Variants in LRRTM4 observed in about 807,000 individuals in gnomAD.
LRRTM4 encodes leucine rich repeat transmembrane neuronal 4, also known as leucine-rich repeat transmembrane neuronal protein 4.
Under a neutral mutation model 47.6 loss-of-function variants are expected in LRRTM4, and 25 were observed. The observed-to-expected ratio is 0.53, with a 90% CI of 0.38 to 0.73. LRRTM4 has a LOEUF of 0.73. Ranked by LOEUF, LRRTM4 falls within the 30% of genes least tolerant of loss-of-function variation. LRRTM4 has a pLI of 0.00. For missense variants in LRRTM4, 638 were observed against 713.4 expected (o/e 0.89, Z 1.20); for synonymous variants, 311 against 269.5 (o/e 1.15, Z -1.51).
intron 3 of LRRTM4, among the ~76,000 whole-genome samples, chr2:76,873,657 T>C (rs1420839610): frequency 6.6e-6 from 1 of 151,382 alleles, no homozygotes; most frequent in Non-Finnish European, 1.5e-5. Context: ...AATTCTATGA[T>C]AGCTTTGTGA....
At chr2:77,127,706 C>T (rs193133486) in intron 3 of LRRTM4, among the ~76,000 whole-genome samples, 2 of 152,260 alleles carry the variant, frequency 1.3e-5, no homozygotes, top group Non-Finnish European at 2.9e-5. Context: ...GAACAAGTCT[C>T]CTGAAAAAAA....
chr2:77,045,915 A>G (rs1679219461), intron 3 of LRRTM4, among the ~76,000 whole-genome samples: 1 of 151,984 alleles, frequency 6.6e-6, no homozygotes, highest in African/African-American at 2.4e-5. Context: ...GTTTGAACAA[A>G]GATCCAATCC....
intron 3 of LRRTM4, among the ~76,000 whole-genome samples, chr2:76,811,190 T>A (rs1319660971): frequency 6.6e-6 from 1 of 152,170 alleles, no homozygotes; most frequent in African/African-American, 2.4e-5. Flanking sequence ...TGCAAAAGGT[T>A]ATTACTAACA....
chr2:76,807,143 T>A (rs2103798748), intron 3 of LRRTM4, among the ~76,000 whole-genome samples: 1 of 152,022 alleles, frequency 6.6e-6, no homozygotes, highest in Admixed American at 6.6e-5. Flanking sequence ...CCCTACTTAG[T>A]CATTTCACAA....
At chr2:77,229,754 C>T (rs561079049) in intron 3 of LRRTM4, among the ~76,000 whole-genome samples, 8 of 152,194 alleles carry the variant, frequency 5.3e-5, no homozygotes, top group African/African-American at 1.4e-4. Context: ...AGTATACATG[C>T]GGCTCAGGTT....
chr2:77,163,861 A>C (rs912968456), intron 3 of LRRTM4, among the ~76,000 whole-genome samples: 1 of 152,324 alleles, frequency 6.6e-6, no homozygotes, highest in Non-Finnish European at 1.5e-5. Flanking sequence ...AAACATGCCA[A>C]ATTGTAAAGA....
At chr2:77,132,406 T>C (rs1316321830) in intron 3 of LRRTM4, among the ~76,000 whole-genome samples, 2 of 152,212 alleles carry the variant, frequency 1.3e-5, no homozygotes, top group Non-Finnish European at 2.9e-5. Flanking sequence ...GATGGACACT[T>C]AGGTTGGTTC....
intron 3 of LRRTM4, among the ~76,000 whole-genome samples, chr2:77,509,737 A>C (rs1371797088): frequency 6.6e-6 from 1 of 152,170 alleles, no homozygotes; most frequent in Non-Finnish European, 1.5e-5. Context: ...TACCTCATTA[A>C]TCATTTCAAC....
chr2:77,183,505 T>C (rs1294526846), intron 3 of LRRTM4, among the ~76,000 whole-genome samples: 2 of 152,150 alleles, frequency 1.3e-5, no homozygotes, highest in Admixed American at 6.6e-5. Context: ...AGTTCAACCA[T>C]TGTGGAAGTC....
intron 3 of LRRTM4, among the ~76,000 whole-genome samples, chr2:77,210,449 A>G (rs2103921027): frequency 6.6e-6 from 1 of 152,348 alleles, no homozygotes; most frequent in South Asian, 2.1e-4. Flanking sequence ...TAGTTTAGGA[A>G]GTAAAAACAA....
chr2:77,518,359 C>T lies in LRRTM4; in HGVS notation c.1510G>A (p.Gly504Arg). The T allele has an allele frequency of 1.2e-6, 2 of 1,612,474 alleles. No individual in the cohort carries two copies. Among genetic ancestry groups the T allele is most frequent in the Non-Finnish European group, 1.7e-6 (2 of 1,179,232 alleles). Reference protein sequence around the residue: ...ETMDISVNGSGPCTYTISGSR... With the variant: ...ETMDISVNGSRPCTYTISGSR... ...CCAGAGATGGTATATGTGCAGGGCC[C>T]AGATCCATTAACCGATATATCCATG... Residue 504 changes from glycine to arginine, a missense_variant, in exon 3 of 4, where the codon GGG becomes AGG. Gly to Arg is a moderately radical substitution (Grantham distance 125, BLOSUM62 -2). Transcript: ENST00000409884.
At chr2:77,289,156 G>A (rs747164262) in intron 3 of LRRTM4, among the ~76,000 whole-genome samples, 21 of 151,958 alleles carry the variant, frequency 1.4e-4, no homozygotes, top group Non-Finnish European at 2.6e-4. Flanking sequence ...ATCAATATGT[G>A]AAAGGAGTTT....
intron 3 of LRRTM4, among the ~76,000 whole-genome samples, chr2:77,169,433 C>T (rs1445110704): frequency 1.3e-5 from 2 of 151,906 alleles, no homozygotes; most frequent in East Asian, 1.9e-4. Context: ...GTACTTCCTG[C>T]TATGGTTTGA....
chr2:77,005,072 G>A (rs2104039664), intron 3 of LRRTM4, among the ~76,000 whole-genome samples: 1 of 152,032 alleles, frequency 6.6e-6, no homozygotes, highest in Admixed American at 6.6e-5. Context: ...ATGAGATTTT[G>A]GACTTGGACT....
At chr2:77,085,005 G>A (rs1361386918) in intron 3 of LRRTM4, among the ~76,000 whole-genome samples, 2 of 152,038 alleles carry the variant, frequency 1.3e-5, no homozygotes, top group Admixed American at 6.6e-5. Context: ...AGCTTACAAT[G>A]CTTATAATGC....
intron 3 of LRRTM4, among the ~76,000 whole-genome samples, chr2:77,224,268 C>T (rs1472312056): frequency 6.6e-6 from 1 of 151,918 alleles, no homozygotes; most frequent in Non-Finnish European, 1.5e-5. Context: ...TAGAAGAAAA[C>T]CTAGGCAATA....
intron 3 of LRRTM4, among the ~76,000 whole-genome samples, chr2:77,515,908 A>G (rs975668315): frequency 6.6e-6 from 1 of 151,952 alleles, no homozygotes; most frequent in Admixed American, 6.6e-5. Flanking sequence ...CACCATTTAT[A>G]TCTACCTATA....
At chr2:76,907,066 A>C (rs1357971365) in intron 3 of LRRTM4, among the ~76,000 whole-genome samples, 3 of 151,854 alleles carry the variant, frequency 2.0e-5, no homozygotes, top group Non-Finnish European at 2.9e-5. Flanking sequence ...AACCACACCT[A>C]TTCCAAAATT....
chr2:77,247,616 T>C (rs2104005398), intron 3 of LRRTM4, among the ~76,000 whole-genome samples: 1 of 152,228 alleles, frequency 6.6e-6, no homozygotes, highest in East Asian at 1.9e-4. Context: ...ACTCTTATTT[T>C]TCATAACTTA....
Sources: gnomAD v4.1 joint callset for allele counts (sites outside exome capture counted in the v4.1 genomes callset) on GRCh38, gnomAD v4.1.1 for gene constraint, MANE v1.5 for transcripts, NCBI Gene and HGNC (gene_info 2026-07-23, HGNC 2026-07-21) for gene names.